The following TTC29 variants were observed in gnomAD, a reference collection of about 807,000 sequenced individuals.
TTC29 encodes tetratricopeptide repeat protein 29.
A neutral mutation model predicts 58.1 loss-of-function variants in TTC29; 49 were observed. The observed-to-expected ratio is 0.84, with a 90% confidence interval of 0.67 to 1.07. The LOEUF is 1.07. Among genes scored for constraint, TTC29 ranks in the 50% least tolerant of loss-of-function variants. The pLI is 0.00. For missense variants in TTC29, 582 were observed against 555.6 expected (o/e 1.05, Z -0.48); for synonymous variants, 209 against 196.8 (o/e 1.06, Z -0.52).
chr4:146,915,421 C>T (rs1734158678), intron 4 of TTC29, among the ~76,000 whole-genome samples: 1 of 151,870 alleles, frequency 6.6e-6, no homozygotes, highest in Non-Finnish European at 1.5e-5. Context: ...TTTGTGACTC[C>T]CCCAGAAAAT....
chr4:146,831,786 C>T (rs1728181062), intron 9 of TTC29: 2 of 437,202 alleles, frequency 4.6e-6, no homozygotes, highest in South Asian at 1.6e-5. Context: ...TGAAGACAGA[C>T]TCATGTCTCT....
At chr4:146,894,345 C>A (rs1488574326) in intron 6 of TTC29, among the ~76,000 whole-genome samples, 2 of 151,886 alleles carry the variant, frequency 1.3e-5, no homozygotes, top group African/African-American at 4.8e-5. Context: ...GAATACTATG[C>A]AGCCATAAAA....
intron 11 of TTC29, among the ~76,000 whole-genome samples, chr4:146,778,976 CAAAAAA>C (rs369374851): frequency 7.0e-5 from 2 of 28,536 alleles, no homozygotes; most frequent in South Asian, 2.0e-3. Flanking sequence ...CCTAAATAAG[CAAAAAA>C]AAAAAAAAAA....
intron 11 of TTC29, among the ~76,000 whole-genome samples, chr4:146,759,569 T>G (rs1746714982): frequency 6.6e-6 from 1 of 151,916 alleles, no homozygotes; most frequent in Non-Finnish European, 1.5e-5. Flanking sequence ...CAACAACATA[T>G]CATAAAGATA....
intron 11 of TTC29, among the ~76,000 whole-genome samples, chr4:146,769,093 A>G (rs1747530979): frequency 6.6e-6 from 1 of 151,998 alleles, no homozygotes; most frequent in African/African-American, 2.4e-5. Context: ...CAGCGACAAA[A>G]TGGTTGCTTT....
intron 11 of TTC29, among the ~76,000 whole-genome samples, chr4:146,797,829 G>GTT (rs1245222777): frequency 1.3e-5 from 1 of 79,968 alleles, no homozygotes; most frequent in Admixed American, 1.4e-4. Context: ...TGATTACTTT[G>GTT]TTTTATATAT....
At chr4:146,889,816 G>A (rs1732229592) in intron 6 of TTC29, among the ~76,000 whole-genome samples, 1 of 152,016 alleles carries the variant, frequency 6.6e-6, no homozygotes. Context: ...TATTTACAAT[G>A]CAATAAAGAA....
chr4:146,720,729 G>A (rs933730572), intron 11 of TTC29, among the ~76,000 whole-genome samples: 1 of 152,040 alleles, frequency 6.6e-6, no homozygotes, highest in Non-Finnish European at 1.5e-5. Flanking sequence ...TTTTGACTAA[G>A]CATATTTTTT....
At chr4:146,724,202 A>G (rs1257954220) in intron 11 of TTC29, among the ~76,000 whole-genome samples, 2 of 152,186 alleles carry the variant, frequency 1.3e-5, no homozygotes, top group African/African-American at 4.8e-5. Flanking sequence ...GATGGCAAAA[A>G]TAGACACTGG....
chr4:146,884,096 C>T (rs1211186823), intron 6 of TTC29, among the ~76,000 whole-genome samples: 1 of 152,024 alleles, frequency 6.6e-6, no homozygotes, highest in African/African-American at 2.4e-5. Flanking sequence ...TCATTAAATA[C>T]TATAAGGTCT....
At chr4:146,936,425 C>T (rs1447178101) in intron 4 of TTC29, among the ~76,000 whole-genome samples, 8 of 152,052 alleles carry the variant, frequency 5.3e-5, no homozygotes, top group South Asian at 2.1e-4. Flanking sequence ...AATCCAAATA[C>T]GGCATACATA....
Position 146,835,957 on chromosome 4 carries a change from C to T in TTC29, c.886-2060G>A, listed in dbSNP as rs201679677. On this transcript the variant is annotated intron_variant, in intron 8 of 12. Transcript: ENST00000325106. ...GACAGCTTTGGCCTTGCACTTGATT[C>T]CATAGTAGCTTCCCATTGGAGACAG... 3.4e-3 allele frequency among the ~76,000 whole-genome samples: 522 copies of T among 152,220 alleles called. 7 individuals are homozygous for T. Among genetic ancestry groups the T allele is most frequent in the Admixed American group, 0.026 (404 of 15,268 alleles).
chr4:146,908,855 G>A (rs1733700732), intron 5 of TTC29, among the ~76,000 whole-genome samples, 171 bp downstream of exon 5: 1 of 152,190 alleles, frequency 6.6e-6, no homozygotes, highest in Non-Finnish European at 1.5e-5. Flanking sequence ...GGGCAGCCTC[G>A]TGATCCAACA....
rs528790450 is a variant in TTC29 at position 146,732,347 on chromosome 4, G to T, written c.1331-24796C>A. Reference sequence around the variant, plus strand: ...ATGACTCATGATTTGGGGAATTTTTGATAATTCATAGGATTCCTTTTCTTG... The same window carrying T: ...ATGACTCATGATTTGGGGAATTTTTTATAATTCATAGGATTCCTTTTCTTG... On this transcript the variant is annotated intron_variant, in intron 11 of 12. Transcript: ENST00000325106. 3.3e-5 allele frequency among the ~76,000 whole-genome samples: 5 copies of T among 152,270 alleles called. No homozygotes were observed. The East Asian group carries it at 9.6e-4, about 29-fold the overall frequency.
chr4:146,904,880 CGT>C (rs1733418190), intron 5 of TTC29, among the ~76,000 whole-genome samples: 1 of 152,108 alleles, frequency 6.6e-6, no homozygotes, highest in East Asian at 1.9e-4. Context: ...TCTGCAGAAC[CGT>C]AAGTAAGTCA....
chr4:146,837,434 TA>T (rs1728583002), intron 8 of TTC29, among the ~76,000 whole-genome samples: 1 of 151,962 alleles, frequency 6.6e-6, no homozygotes, highest in South Asian at 2.1e-4. Context: ...ATCTGTAAAA[TA>T]AAGCCCTGTG....
At chr4:146,722,252 C>T (rs1246879219) in intron 11 of TTC29, among the ~76,000 whole-genome samples, 1 of 152,098 alleles carries the variant, frequency 6.6e-6, no homozygotes, top group Non-Finnish European at 1.5e-5. Context: ...CCAAATCAAC[C>T]TGCAGATTCA....
At chr4:146,927,671 G>A (rs1021663232) in intron 4 of TTC29, among the ~76,000 whole-genome samples, 1 of 152,126 alleles carries the variant, frequency 6.6e-6, no homozygotes, top group African/African-American at 2.4e-5. Context: ...GTACATGACT[G>A]TCAATGGCCA....
intron 8 of TTC29, among the ~76,000 whole-genome samples, chr4:146,866,997 C>T (rs1167656253): frequency 6.6e-6 from 1 of 152,156 alleles, no homozygotes; most frequent in East Asian, 1.9e-4. Flanking sequence ...GATTATACGG[C>T]AGGCTACTTC....
Sources: allele counts gnomAD v4.1 joint callset (sites outside exome capture counted in the v4.1 genomes callset), GRCh38; gene constraint gnomAD v4.1.1; transcripts MANE v1.5; gene names NCBI Gene and HGNC (gene_info 2026-07-23, HGNC 2026-07-21).